The following COL4A5 variants were observed in gnomAD, a reference collection of about 807,000 sequenced individuals.
COL4A5 encodes collagen type IV alpha 5 chain.
Under a neutral mutation model 130.2 loss-of-function variants are expected in COL4A5, and 26 were observed. The ratio of observed to expected loss-of-function variants is 0.20; its 90% CI spans 0.15 to 0.28. The LOEUF (loss-of-function observed/expected upper bound fraction) is 0.28. COL4A5 is among the 10% of genes least tolerant of loss of function. COL4A5 has a pLI of 1.00. For missense variants in COL4A5, 1,131 were observed against 1,344.3 expected (o/e 0.84, Z 2.48); for synonymous variants, 496 against 439.6 (o/e 1.13, Z -1.60).
intron 2 of COL4A5, among the ~76,000 whole-genome samples, chrX:108,552,102 C>T (rs1050180439): frequency 2.7e-5 from 3 of 111,326 alleles, no homozygotes; most frequent in African/African-American, 3.3e-5. Flanking sequence ...CCTATCAGTA[C>T]GACACTCACT....
chrX:108,608,624 T>C (rs1359942257), intron 29 of COL4A5, among the ~76,000 whole-genome samples: 2 of 111,809 alleles, frequency 1.8e-5, no homozygotes, highest in Admixed American at 9.5e-5. Flanking sequence ...ATGCATACCA[T>C]AACTAAAATT....
intron 29 of COL4A5, among the ~76,000 whole-genome samples, chrX:108,610,252 G>A (rs942949780): frequency 3.6e-5 from 4 of 110,598 alleles, no homozygotes; most frequent in Non-Finnish European, 7.6e-5. Flanking sequence ...GACTTCCCTC[G>A]TCAATGTTTT....
intron 1 of COL4A5, among the ~76,000 whole-genome samples, chrX:108,476,455 T>G (rs928646878): frequency 9.2e-6 from 1 of 108,529 alleles, no homozygotes; most frequent in African/African-American, 3.3e-5. Context: ...ATATGTACAA[T>G]TAAATTATTA....
intron 1 of COL4A5, among the ~76,000 whole-genome samples, chrX:108,527,114 G>A (rs1937599461): frequency 9.1e-6 from 1 of 110,391 alleles, no homozygotes; most frequent in Non-Finnish European, 1.9e-5. Flanking sequence ...TTTTTATAAT[G>A]TACCTTATTC....
chrX:108,597,258 A>T, intron 23 of COL4A5, 119 bp from the exon 24 acceptor site: 1 of 813,088 alleles, frequency 1.2e-6, no homozygotes, highest in Non-Finnish European at 1.8e-6. Context: ...ATTAAATGTT[A>T]TTGGATGGGT....
intron 2 of COL4A5, among the ~76,000 whole-genome samples, chrX:108,556,926 T>G (rs1046556531): frequency 9.0e-6 from 1 of 111,478 alleles, no homozygotes; most frequent in Non-Finnish European, 1.9e-5. Context: ...ACCATGATAT[T>G]ATTTGACTGT....
chrX:108,674,941 G>A (rs752449007), intron 43 of COL4A5, among the ~76,000 whole-genome samples, 188 bp downstream of exon 43: 1 of 110,233 alleles, frequency 9.1e-6, no homozygotes, highest in African/African-American at 3.3e-5. Flanking sequence ...AATGACGTTA[G>A]GGTCTTTGTG....
chrX:108,468,256 A>T (rs1216211783), intron 1 of COL4A5, among the ~76,000 whole-genome samples: 1 of 110,665 alleles, frequency 9.0e-6, no homozygotes, highest in Admixed American at 9.7e-5. Flanking sequence ...TGGATTTTGG[A>T]TTTTCAGGTT....
At position 108,586,618 on chromosome X, in the gene COL4A5, A is replaced by G. The variant is rs1298778618; in HGVS notation, c.1036A>G (p.Ile346Val). 1.7e-6 allele frequency: 2 copies of G among 1,205,549 alleles called. No individual in the cohort carries two copies. Among genetic ancestry groups the G allele is most frequent in the Non-Finnish European group, 2.2e-6 (2 of 891,229 alleles). ...TGPPGPPGLV[I>V]PRPGTGITIG... is the part of the protein sequence containing the mutation. The stretch of plus-strand genomic sequence containing the variant: ...TTTTTTTTCTTTGGTAATAAAGGTA[A>G]TTCCTAGACCTGGGACTGGTATAAC... The change falls in exon 19 of 53, where the codon ATT becomes GTT. Residue 346 changes from isoleucine to valine, a missense_variant. Physicochemically the swap from Ile to Val is conservative, Grantham distance 29. Coordinates refer to ENST00000328300, the MANE Select transcript of COL4A5 (RefSeq NM_033380.3).
intron 36 of COL4A5, among the ~76,000 whole-genome samples, chrX:108,648,948 A>G (rs1414306467): frequency 9.0e-6 from 1 of 111,257 alleles, no homozygotes; most frequent in African/African-American, 3.3e-5. Flanking sequence ...AGGAAGTCAA[A>G]CTGTCACTGT....
chrX:108,460,145 C>T (rs1328885549), intron 1 of COL4A5, among the ~76,000 whole-genome samples: 1 of 111,582 alleles, frequency 9.0e-6, no homozygotes, highest in Non-Finnish European at 1.9e-5. Flanking sequence ...AAATAGGAAG[C>T]ATTTATTCAA....
At chrX:108,568,518 C>A (rs924109687) in intron 4 of COL4A5, 111 bp from the exon 5 acceptor site, 13 of 556,239 alleles carry the variant, frequency 2.3e-5, no homozygotes, top group Non-Finnish European at 3.4e-5. Flanking sequence ...AATAGTGAGA[C>A]ACAATTTTTC....
At chrX:108,632,695 G>A (rs752843397) in intron 36 of COL4A5, among the ~76,000 whole-genome samples, 25 of 110,946 alleles carry the variant, frequency 2.3e-4, no homozygotes, top group African/African-American at 7.9e-4. Flanking sequence ...ATAAATAAAC[G>A]TAATCCATCA....
At chrX:108,543,518 G>A (rs1464559160) in intron 2 of COL4A5, among the ~76,000 whole-genome samples, 1 of 111,360 alleles carries the variant, frequency 9.0e-6, no homozygotes, top group Admixed American at 9.5e-5. Flanking sequence ...TAGCCTTGTA[G>A]TATAGTTTGA....
intron 2 of COL4A5, among the ~76,000 whole-genome samples, chrX:108,553,211 C>T (rs1336072716): frequency 1.8e-5 from 2 of 111,561 alleles, no homozygotes; most frequent in Non-Finnish European, 3.8e-5. Context: ...AAAACACGAT[C>T]CACCAAAGAA....
intron 1 of COL4A5, among the ~76,000 whole-genome samples, chrX:108,517,988 A>G (rs1330960538): frequency 9.0e-6 from 1 of 111,147 alleles, no homozygotes; most frequent in East Asian, 2.8e-4. Flanking sequence ...CAATCTCCGT[A>G]TACCCCACAT....
chrX:108,527,379 C>T (rs772482327), intron 1 of COL4A5, among the ~76,000 whole-genome samples: 2 of 111,725 alleles, frequency 1.8e-5, no homozygotes, highest in Non-Finnish European at 3.8e-5. Flanking sequence ...TAATCAATAT[C>T]CTTACCAGTT....
rs756191817 is a variant in COL4A5 at position 108,563,972 on chromosome X, GAT to G, written c.276+48_276+49del. 2.9e-6 allele frequency: 3 copies of G among 1,040,040 alleles called. No individual in the cohort carries two copies. In the African/African-American group the frequency reaches 5.6e-5, roughly 19 times the overall value. The allele number at this position is 1,040,040 out of a possible 1,213,427, so 85.7% of individuals were successfully genotyped here. On this transcript the variant is annotated intron_variant, in intron 4 of 52. Coordinates refer to ENST00000328300, the MANE Select transcript of COL4A5 (RefSeq NM_033380.3). Reference sequence around the variant, plus strand: ...ATCAAATACTTTGTTGGTGGAAACAGATAGAGAACAAATGAAGTATTATGAGA... The same window carrying G: ...ATCAAATACTTTGTTGGTGGAAACAGAGAGAACAAATGAAGTATTATGAGA...
chrX:108,589,146 T>C (rs1203008637), intron 19 of COL4A5, among the ~76,000 whole-genome samples: 2 of 111,623 alleles, frequency 1.8e-5, no homozygotes, highest in African/African-American at 6.5e-5. Flanking sequence ...ACGTGATGTG[T>C]AGATGCAGAG....
Sources: allele counts gnomAD v4.1 joint callset (sites outside exome capture counted in the v4.1 genomes callset), GRCh38; gene constraint gnomAD v4.1.1; transcripts MANE v1.5; gene names NCBI Gene and HGNC (gene_info 2026-07-23, HGNC 2026-07-21).